ELMO1: variants seen among roughly 807,000 people sequenced by gnomAD.
ELMO1 encodes engulfment and cell motility 1.
Under a neutral mutation model 98.9 loss-of-function variants are expected in ELMO1, and 26 were observed. That is an observed-to-expected ratio of 0.26 (90% CI 0.19 to 0.36). ELMO1 has a LOEUF of 0.36. ELMO1 is among the 10% of genes least tolerant of loss of function. The pLI, the probability that ELMO1 is intolerant of heterozygous loss-of-function variation, is 1.00. For synonymous variants in ELMO1, 346 were observed against 346.0 expected, an observed-to-expected ratio of 1.00 and a Z score of 0.00; for missense variants, 627 against 935.2, an observed-to-expected ratio of 0.67 and a Z score of 4.30.
intron 17 of ELMO1, among the ~76,000 whole-genome samples, chr7:36,890,197 TA>T (rs1228284376): frequency 1.3e-5 from 2 of 152,164 alleles, no homozygotes; most frequent in Non-Finnish European, 2.9e-5. Flanking sequence ...GTCTTGCCAA[TA>T]AATAAAAGGA....
At chr7:37,313,144 G>A (rs972688275) in intron 4 of ELMO1, among the ~76,000 whole-genome samples, 8 of 152,164 alleles carry the variant, frequency 5.3e-5, no homozygotes, top group African/African-American at 1.7e-4. Context: ...GAAACTAAAC[G>A]TTTAAGTCAA....
intron 13 of ELMO1, among the ~76,000 whole-genome samples, chr7:37,171,649 T>C (rs900463035): frequency 2.6e-5 from 4 of 151,920 alleles, no homozygotes; most frequent in African/African-American, 4.8e-5. Context: ...CCCACCACCA[T>C]GCCCAGCTAA....
Position 36,982,136 on chromosome 7 carries a change from A to C in ELMO1, c.1437+31163T>G, listed in dbSNP as rs1054291241. 3.2e-4 allele frequency among the ~76,000 whole-genome samples: 48 copies of C among 152,242 alleles called. 2 individuals carry two copies. The highest frequency in any genetic ancestry group is 1.5e-5 in the Non-Finnish European group (1 of 68,034). On this transcript the variant is annotated intron_variant, in intron 16 of 21. Transcript: ENST00000310758. ...AAATTTAAAAACCAATACTCAATTC[A>C]GTTATTTATTGGAAAACTTTGATGT...
chr7:37,083,009 T>A (rs992616722), intron 15 of ELMO1, among the ~76,000 whole-genome samples: 2 of 152,170 alleles, frequency 1.3e-5, no homozygotes, highest in African/African-American at 4.8e-5. Flanking sequence ...ATTGGTTACA[T>A]AACAAGGAGT....
At chr7:37,204,371 G>A (rs1014231156) in intron 13 of ELMO1, 17 of 387,882 alleles carry the variant, frequency 4.4e-5, no homozygotes, top group East Asian at 2.2e-4. Context: ...AGACCTTCGC[G>A]GTGAGTGTTA....
chr7:37,263,398 C>T (rs576488324), intron 5 of ELMO1, among the ~76,000 whole-genome samples: 8 of 152,082 alleles, frequency 5.3e-5, no homozygotes, highest in Admixed American at 2.6e-4. Flanking sequence ...ACATTTGTTC[C>T]GCACATTTGG....
chr7:37,006,115 C>T (rs1584505147), intron 16 of ELMO1, among the ~76,000 whole-genome samples: 1 of 152,318 alleles, frequency 6.6e-6, no homozygotes, highest in East Asian at 1.9e-4. Context: ...TGTGGGTGGG[C>T]TGGGGAGGAG....
At chr7:37,130,486 G>C (rs1196504470) in intron 14 of ELMO1, among the ~76,000 whole-genome samples, 1 of 152,184 alleles carries the variant, frequency 6.6e-6, no homozygotes, top group Non-Finnish European at 1.5e-5. Context: ...TGGCTGCTGG[G>C]CAAGAGAGGA....
intron 1 of ELMO1, among the ~76,000 whole-genome samples, chr7:37,424,122 A>G (rs1804606210): frequency 6.6e-6 from 1 of 152,246 alleles, no homozygotes; most frequent in Non-Finnish European, 1.5e-5. Context: ...CATGCCACCA[A>G]CAGATCATCA....
Position 37,342,237 on chromosome 7 carries a change from G to A in ELMO1, c.78+376C>T, listed in dbSNP as rs1322401618. On this transcript the variant is annotated intron_variant, in intron 2 of 21. Transcript: ENST00000310758. This position sits in a 1 kb window ranked among gnomAD's most constrained non-coding sequence, Gnocchi z 4.3. ...CTTCTGCAAAAAATGAAAAAAAAGG[G>A]ATTTTAAAAATTAAGTTTTGTCTTG... is the stretch of plus-strand genomic sequence containing the variant. Among the ~76,000 whole-genome samples the A allele has an allele frequency of 6.6e-6, 1 of 152,184 alleles. No individual in the cohort carries two copies. The highest frequency in any genetic ancestry group is 1.9e-4 in the East Asian group (1 of 5,202).
intron 18 of ELMO1, among the ~76,000 whole-genome samples, chr7:36,886,583 G>A (rs373309359): frequency 4.6e-5 from 7 of 152,134 alleles, no homozygotes; most frequent in African/African-American, 1.7e-4. Flanking sequence ...GCTTGCTCCT[G>A]CCTCTTCTTC....
chr7:37,299,746 T>G (rs1222206935), intron 4 of ELMO1, among the ~76,000 whole-genome samples: 1 of 52,630 alleles, frequency 1.9e-5, no homozygotes. Context: ...GACTTGGCGA[T>G]GCGGCCTCTT....
intron 15 of ELMO1, among the ~76,000 whole-genome samples, chr7:37,088,172 T>C (rs1308591760): frequency 1.3e-5 from 2 of 152,218 alleles, no homozygotes; most frequent in East Asian, 3.8e-4. Flanking sequence ...TAAAAAGGAA[T>C]AAGTCCTTAA....
At chr7:36,906,415 T>C (rs1316503090) in intron 16 of ELMO1, among the ~76,000 whole-genome samples, 1 of 152,262 alleles carries the variant, frequency 6.6e-6, no homozygotes, top group Non-Finnish European at 1.5e-5. Flanking sequence ...AGCTGAATTA[T>C]TAATGAAATA....
intron 1 of ELMO1, among the ~76,000 whole-genome samples, chr7:37,440,659 C>T (rs1287434023): frequency 9.2e-5 from 14 of 151,596 alleles, no homozygotes; most frequent in Admixed American, 7.2e-4. Context: ...ATCTCAGTTA[C>T]TCAGGAGGCT....
chr7:37,344,657 A>G (rs1423503638), intron 1 of ELMO1, among the ~76,000 whole-genome samples: 2 of 152,230 alleles, frequency 1.3e-5, no homozygotes, highest in Non-Finnish European at 2.9e-5. Context: ...ATTTCTCTCC[A>G]TTGGACTTGT....
At chr7:37,149,221 A>G (rs1258058284) in intron 13 of ELMO1, among the ~76,000 whole-genome samples, 1 of 152,204 alleles carries the variant, frequency 6.6e-6, no homozygotes, top group East Asian at 1.9e-4. Context: ...ACAGTTAGTA[A>G]CTGCAAAAGC....
intron 1 of ELMO1, among the ~76,000 whole-genome samples, chr7:37,372,940 T>C (rs1802174363): frequency 6.6e-6 from 1 of 152,172 alleles, no homozygotes; most frequent in African/African-American, 2.4e-5. Flanking sequence ...TGATGGTAAA[T>C]GAAGCCAGAA....
chr7:37,182,465 T>TAC (rs754897749), intron 13 of ELMO1, among the ~76,000 whole-genome samples: 77,970 of 98,074 alleles, frequency 0.8, 31,099 homozygotes, highest in South Asian at 0.9. Flanking sequence ...TGCTCTACTT[T>TAC]TTTTTTTTTT....
Sources: allele counts gnomAD v4.1 joint callset (sites outside exome capture counted in the v4.1 genomes callset), GRCh38; gene constraint gnomAD v4.1.1; non-coding constraint Gnocchi (gnomAD v3.1); transcripts MANE v1.5; gene names NCBI Gene and HGNC (gene_info 2026-07-23, HGNC 2026-07-21).